MYBPC3: variants seen among roughly 807,000 people sequenced by gnomAD.
MYBPC3 encodes the protein myosin binding protein C3.
Under a neutral mutation model 159.3 loss-of-function variants are expected in MYBPC3, and 108 were observed. That is an observed-to-expected ratio of 0.68 (90% confidence interval 0.58 to 0.80). The LOEUF (loss-of-function observed/expected upper bound fraction) is 0.80. MYBPC3 is among the 30% of genes least tolerant of loss of function. The probability of loss-of-function intolerance (pLI) is 0.00; values close to 1 mark genes in which losing one functional copy is unlikely to be tolerated. For synonymous variants in MYBPC3, 730 were observed against 702.0 expected (o/e 1.04, Z -0.63); for missense variants, 1,631 against 1,762.1 (o/e 0.93, Z 1.33).
At position 47,332,974 on chromosome 11, in the gene MYBPC3, C is replaced by T. The variant is rs727504305; in HGVS notation, c.3331-1G>A. 6.2e-7 allele frequency: 1 copy of T among 1,608,470 alleles called. No homozygotes were observed. Among genetic ancestry groups the T allele is most frequent in the Non-Finnish European group, 8.5e-7 (1 of 1,177,638 alleles). Reference sequence around the variant, plus strand: ...AATGCTCCAAGACGGTGAACCACTCCTGGGGGCAGGGAGGGAGGGGAGGCA... The same window carrying T: ...AATGCTCCAAGACGGTGAACCACTCTTGGGGGCAGGGAGGGAGGGGAGGCA... On this transcript the variant is annotated splice_acceptor_variant, in intron 30 of 34. Coordinates refer to ENST00000545968, the MANE Select transcript of MYBPC3 (RefSeq NM_000256.3). LOFTEE classifies it high-confidence loss of function. This position sits in a 1 kb window ranked among gnomAD's most constrained non-coding sequence, Gnocchi z 4.2.
intron 7 of MYBPC3, 85 bp from the exon 8 acceptor site, chr11:47,347,765 A>G: frequency 6.5e-7 from 1 of 1,546,766 alleles, no homozygotes; most frequent in South Asian, 1.2e-5. Flanking sequence ...TCCGCCCCGC[A>G]AATCATCCCC....
In MYBPC3 at chr11:47,342,559, C is replaced by T. The variant is rs189445708; in HGVS notation, c.1624+19G>A. ...GGTCCAAGCCCTAAAGCCTCATGTGCCCCCCCAGCCAGGCTCACCCTGCAC... is the reference window on the plus strand; with the variant it reads ...GGTCCAAGCCCTAAAGCCTCATGTGTCCCCCCAGCCAGGCTCACCCTGCAC... On this transcript the variant is annotated intron_variant, in intron 17 of 34. Coordinates refer to ENST00000545968, the MANE Select transcript of MYBPC3 (RefSeq NM_000256.3). 3.2e-6 allele frequency: 5 copies of T among 1,551,122 alleles called. No individual in the cohort carries two copies. Among genetic ancestry groups the T allele is most frequent in the Admixed American group, 3.8e-5 (2 of 53,260 alleles).
Position 47,335,867 on chromosome 11 carries a change from G to T in MYBPC3, c.2737+10C>A. The stretch of plus-strand genomic sequence containing the variant: ...CTTTGGGGAGGGGGGTTGGGGGCGG[G>T]GACACTCACAGCCCTCTGGGCAGTA... On this transcript the variant is annotated intron_variant, in intron 26 of 34. Transcript: ENST00000545968. 1 of 1,476,236 alleles carries T rather than the reference G, an allele frequency of 6.8e-7. No individual in the cohort carries two copies. The highest frequency in any genetic ancestry group is 2.8e-5 in the East Asian group (1 of 36,122). 91.4% of individuals were successfully genotyped at this position (1,476,236 alleles called of 1,614,324 possible). A position where few individuals can be genotyped will look rare whatever the true frequency, so the allele number is the denominator to read the frequency against.
At chr11:47,343,932 G>A (rs1027090981) in intron 12 of MYBPC3, among the ~76,000 whole-genome samples, 6 of 152,224 alleles carry the variant, frequency 3.9e-5, no homozygotes, top group Non-Finnish European at 8.8e-5. Flanking sequence ...GGGATTACAG[G>A]CATGTGCCAC....
chr11:47,333,746 G>A lies in MYBPC3; in HGVS notation c.3001C>T (p.Pro1001Ser). 6.3e-7 allele frequency: 1 copy of A among 1,597,562 alleles called. No individual in the cohort carries two copies. Among genetic ancestry groups the A allele is most frequent in the Non-Finnish European group, 8.5e-7 (1 of 1,172,678 alleles). ...VNLLIPFQGK[P>S]RPQVTWTKEG... ...TTGGTCCAGGTCACCTGAGGCCGGG[G>A]CTTGCCCTGAGGGGAGGAAAAGCTT... is the stretch of plus-strand genomic sequence containing the variant. The change falls in exon 29 of 35, where the codon CCC (proline) becomes TCC (serine). Residue 1001 changes from proline (P) to serine (S), a missense_variant. Physicochemically the swap from Pro to Ser is moderately conservative, Grantham distance 74. Transcript: ENST00000545968.
chr11:47,351,189 G>GGGGCCCCCCCCCCCCCC lies in MYBPC3; in HGVS notation c.292+49_292+50insGGGGGGGGGGGGGGCCC. 2 of 1,449,104 alleles carry GGGGCCCCCCCCCCCCCC rather than the reference G, an allele frequency of 1.4e-6. No individual in the cohort carries two copies. Among genetic ancestry groups the GGGGCCCCCCCCCCCCCC allele is most frequent in the Non-Finnish European group, 1.8e-6 (2 of 1,087,860 alleles). 89.8% of individuals were successfully genotyped at this position (1,449,104 alleles called of 1,614,324 possible). On this transcript the variant is annotated intron_variant, in intron 2 of 34. Transcript: ENST00000545968. The surrounding 1 kb of genome is among the most constrained non-coding windows in gnomAD (Gnocchi z 4.2). ...TGGATGGATGGAGAGTCGCTGGGCTGCCCCTCCCCCAGCAGCCCAAACCTC... is the reference window on the plus strand; with the variant it reads ...TGGATGGATGGAGAGTCGCTGGGCTGGGGCCCCCCCCCCCCCCCCCCTCCCCCAGCAGCCCAAACCTC...
Position 47,343,129 on chromosome 11 carries a change from T to C in MYBPC3, c.1243A>G (p.Ile415Val), listed in dbSNP as rs1269517446. 6.2e-7 allele frequency: 1 copy of C among 1,611,734 alleles called. No homozygotes were observed. Among genetic ancestry groups the C allele is most frequent in the Non-Finnish European group, 8.5e-7 (1 of 1,179,018 alleles). ...ATGGTCAGGGTACGCTTGGCACCGA[T>C]GGACTCAAAGATGTACCTGGGTGGG... ...MSGSKYIFES[I>V]GAKRTLTISQ... Residue 415 changes from isoleucine (I) to valine (V), a missense_variant, in exon 15 of 35, where the codon ATC becomes GTC. Physicochemically the swap from Ile to Val is conservative, Grantham distance 29 (BLOSUM62 3). Coordinates refer to ENST00000545968, the MANE Select transcript of MYBPC3 (RefSeq NM_000256.3).
intron 5 of MYBPC3, among the ~76,000 whole-genome samples, chr11:47,349,226 C>T (rs1163423316): frequency 6.6e-6 from 1 of 151,576 alleles, no homozygotes; most frequent in African/African-American, 2.4e-5. Flanking sequence ...TTCTGGTGGG[C>T]AGGGCGGAAA....
Position 47,337,713 on chromosome 11 carries a change from T to C in MYBPC3, c.2390A>G (p.Tyr797Cys). ...ACCCAGGATGGGCTGCCCGCCATCG[T>C]AGGCAGGCGGCTCCCACTGTACTGT... ...SCTVQWEPPA[Y>C]DGGQPILGYI... Residue 797 changes from tyrosine to cysteine, a missense_variant, in exon 24 of 35, where the codon TAC becomes TGC. Physicochemically the swap from Tyr to Cys is radical, Grantham distance 194. Coordinates refer to ENST00000545968, the MANE Select transcript of MYBPC3 (RefSeq NM_000256.3). 1.3e-6 allele frequency: 2 copies of C among 1,572,034 alleles called. No homozygotes were observed. The highest frequency in any genetic ancestry group is 1.7e-4 in the Middle Eastern group (1 of 6,012).
intron 12 of MYBPC3, among the ~76,000 whole-genome samples, chr11:47,345,466 G>T (rs1270014857): frequency 6.6e-6 from 1 of 152,128 alleles, no homozygotes; most frequent in Non-Finnish European, 1.5e-5. Context: ...TGTGTGCTTT[G>T]GGAGGGGCTT....
chr11:47,333,798 G>A (rs1213367013), intron 28 of MYBPC3, 46 bp from the exon 29 acceptor site: 11 of 1,555,994 alleles, frequency 7.1e-6, no homozygotes, highest in Admixed American at 3.7e-5. Flanking sequence ...CACTCCAAGG[G>A]CCGGCCGCCA....
intron 33 of MYBPC3, 72 bp downstream of exon 33, chr11:47,332,000 G>A: frequency 6.3e-7 from 1 of 1,595,520 alleles, no homozygotes; most frequent in Non-Finnish European, 8.5e-7. Flanking sequence ...GAGGACAACG[G>A]AGCAAAGCCC....
Position 47,337,552 on chromosome 11 carries a change from T to C in MYBPC3, c.2441A>G (p.Lys814Arg), listed in dbSNP as rs1565625356. ...LGYILERKKK[K>R]SYRWMRLNFD... ...GTTCAGCCGCATCCACCGGTAGCTC[T>C]TCTTCTTCTTGCGCTCCAGGATGTA... is the stretch of plus-strand genomic sequence containing the variant. Residue 814 changes from lysine (K) to arginine (R), a missense_variant, in exon 25 of 35, where the codon AAG becomes AGG. Physicochemically the swap from Lys to Arg is conservative, Grantham distance 26. Transcript: ENST00000545968. 1 of 1,611,308 alleles carries C rather than the reference T, an allele frequency of 6.2e-7. No homozygotes were observed.
intron 29 of MYBPC3, 41 bp from the exon 30 acceptor site, chr11:47,333,374 C>G: frequency 1.3e-6 from 2 of 1,523,992 alleles, no homozygotes; most frequent in Non-Finnish European, 1.8e-6. Flanking sequence ...CGCCTCCTGA[C>G]AGTGAGCAGG....
At chr11:47,341,355 A>G (rs2095888394) in intron 18 of MYBPC3, 111 bp from the exon 19 acceptor site, 3 of 758,900 alleles carry the variant, frequency 4.0e-6, no homozygotes, top group Non-Finnish European at 6.2e-6. Context: ...GCTTGTTGGT[A>G]TTCTGATTTT....
chr11:47,341,618 C>T (rs560329778), intron 18 of MYBPC3, among the ~76,000 whole-genome samples: 1 of 152,290 alleles, frequency 6.6e-6, no homozygotes, highest in African/African-American at 2.4e-5. Context: ...CCTTGGTGGC[C>T]TCCTGCCCTG....
chr11:47,349,072 C>T (rs1045128935), intron 5 of MYBPC3, among the ~76,000 whole-genome samples: 1 of 151,326 alleles, frequency 6.6e-6, no homozygotes, highest in Non-Finnish European at 1.5e-5. Flanking sequence ...TGGTGAAATA[C>T]AGGCTTTTGT....
Position 47,350,545 on chromosome 11 carries a change from CG to C in MYBPC3, c.362del (p.Pro121ArgfsTer38), listed in dbSNP as rs397516032. ...AEATGAPGEAPAPAAELGESA... is the reference protein window; with the variant it reads ...AEATGAPGEAXAPAAELGESA... ...TTTCTCCCAGCTCAGCGGCTGGGGCCGGGGCTTCTCCAGGGGCTCCAGTGGC... is the reference window on the plus strand; with the variant it reads ...TTTCTCCCAGCTCAGCGGCTGGGGCCGGGCTTCTCCAGGGGCTCCAGTGGC... On this transcript the variant is annotated frameshift_variant, in exon 3 of 35. Coordinates refer to ENST00000545968, the MANE Select transcript of MYBPC3 (RefSeq NM_000256.3). LOFTEE classifies it high-confidence loss of function. The C allele has an allele frequency of 1.3e-6, 2 of 1,552,482 alleles. No individual in the cohort carries two copies. Among genetic ancestry groups the C allele is most frequent in the Admixed American group, 2.2e-5 (1 of 44,882 alleles).
chr11:47,342,750 C>A lies in MYBPC3; in HGVS notation c.1458-6G>T, dbSNP rs375347534. ...GCTCCACCCCGTCCTTCAGCCTAGC[C>A]GGGTGGGTGGGTGGCAAGTGCTGTG... On this transcript the variant is annotated splice_polypyrimidine_tract_variant and splice_region_variant and intron_variant, in intron 16 of 34. Coordinates refer to ENST00000545968, the MANE Select transcript of MYBPC3 (RefSeq NM_000256.3). The A allele has an allele frequency of 3.7e-6, 6 of 1,613,722 alleles. No individual in the cohort carries two copies. Among genetic ancestry groups the A allele is most frequent in the Non-Finnish European group, 5.1e-6 (6 of 1,179,726 alleles).
Sources: allele counts gnomAD v4.1 joint callset (sites outside exome capture counted in the v4.1 genomes callset), GRCh38; gene constraint gnomAD v4.1.1; non-coding constraint Gnocchi (gnomAD v3.1); transcripts MANE v1.5; gene names NCBI Gene and HGNC (gene_info 2026-07-23, HGNC 2026-07-21).